Variants in SLC44A3 observed in about 807,000 individuals in gnomAD.
SLC44A3 encodes choline transporter-like protein 3.
In SLC44A3, 74 loss-of-function variants were observed where a neutral mutation model predicts 75.4. The ratio of observed to expected loss-of-function variants is 0.98; its 90% confidence interval spans 0.81 to 1.19. The LOEUF (loss-of-function observed/expected upper bound fraction) is 1.19. Ranked by LOEUF, SLC44A3 falls within the 50% of genes most tolerant of loss-of-function variation. The pLI, the probability that SLC44A3 is intolerant of heterozygous loss-of-function variation, is 0.00. For missense variants in SLC44A3, 700 were observed against 778.6 expected, an observed-to-expected ratio of 0.90 and a Z score of 1.20; for synonymous variants, 310 against 296.9, an observed-to-expected ratio of 1.04 and a Z score of -0.45.
At chr1:94,825,808 G>A (rs866662988) in intron 3 of SLC44A3, 6 of 455,966 alleles carry the variant, frequency 1.3e-5, no homozygotes, top group African/African-American at 2.0e-5. Flanking sequence ...GACTAATTAC[G>A]GAGCATTTTC....
chr1:94,888,555 C>A, intron 12 of SLC44A3: 2 of 564,288 alleles, frequency 3.5e-6, no homozygotes, highest in Non-Finnish European at 4.5e-6. Context: ...GAGCAGCTTT[C>A]CAGCAACAGC....
At chr1:94,885,139 A>G (rs1407634240) in intron 12 of SLC44A3, among the ~76,000 whole-genome samples, 2 of 144,888 alleles carry the variant, frequency 1.4e-5, no homozygotes, top group Non-Finnish European at 3.0e-5. Context: ...ATTACTCAGG[A>G]GGCTGAGGCA....
rs1661540174 is a variant in SLC44A3 at position 94,827,570 on chromosome 1, CCT to C, written c.345_346del (p.Val117IlefsTer5). Reference protein sequence around the residue: ...VKGTQLNRMALCVSNCPEEQL... With the variant: ...VKGTQLNRMAXCVSNCPEEQL... ...AAGGTACGCAGCTCAACCGCATGGC[CCT>C]CTGTGTATCCAACTGCCCTGAAGAG... On this transcript the variant is annotated frameshift_variant, in exon 4 of 15. Coordinates refer to ENST00000271227, the MANE Select transcript of SLC44A3 (RefSeq NM_001114106.3). LOFTEE classifies it high-confidence loss of function. 1.2e-6 allele frequency: 2 copies of C among 1,614,082 alleles called. No individual in the cohort carries two copies. Among genetic ancestry groups the C allele is most frequent in the East Asian group, 4.5e-5 (2 of 44,894 alleles).
chr1:94,861,051 C>T (rs1002272553), intron 10 of SLC44A3, among the ~76,000 whole-genome samples: 3 of 151,902 alleles, frequency 2.0e-5, no homozygotes, highest in Non-Finnish European at 4.4e-5. Context: ...CATGGAAATC[C>T]AAGCTAATAA....
chr1:94,840,275 T>C (rs1383185929), intron 7 of SLC44A3, among the ~76,000 whole-genome samples: 1 of 146,038 alleles, frequency 6.8e-6, no homozygotes, highest in Non-Finnish European at 1.5e-5. Context: ...CTTTTCTTTT[T>C]CTTTTTCCTT....
intron 14 of SLC44A3, among the ~76,000 whole-genome samples, chr1:94,893,096 A>G (rs1670402101): frequency 1.3e-5 from 2 of 152,240 alleles, no homozygotes; most frequent in Non-Finnish European, 2.9e-5. Context: ...TGTTTGCAAC[A>G]GCCTTTGCAA....
intron 12 of SLC44A3, among the ~76,000 whole-genome samples, chr1:94,889,913 C>T (rs953093246): frequency 3.3e-5 from 5 of 151,812 alleles, no homozygotes; most frequent in Non-Finnish European, 5.9e-5. Flanking sequence ...TGCAATGGCA[C>T]GATCTTGGCT....
chr1:94,826,886 A>C (rs1465788966), intron 3 of SLC44A3, among the ~76,000 whole-genome samples: 1 of 152,070 alleles, frequency 6.6e-6, no homozygotes, highest in African/African-American at 2.4e-5. Flanking sequence ...AGCCTGGATA[A>C]GTGGTAGGCA....
chr1:94,892,410 T>A lies in SLC44A3; in HGVS notation c.1750T>A (p.Ser584Thr), dbSNP rs1670317788. The change falls in exon 14 of 15, where the codon TCT (serine) becomes ACT (threonine). Residue 584 changes from serine to threonine, a missense_variant. Ser to Thr is a moderately conservative substitution (Grantham distance 58, BLOSUM62 1). Coordinates refer to ENST00000271227, the MANE Select transcript of SLC44A3 (RefSeq NM_001114106.3). ...FAYLVAHSFL[S>T]VFETVLDALF... ...CTACTTAGTAGCCCATAGTTTTTTA[T>A]CTGTGTTTGAAACTGTGCTGGATGC... The A allele has an allele frequency of 6.2e-7, 1 of 1,614,230 alleles. No individual in the cohort carries two copies. Among genetic ancestry groups the A allele is most frequent in the Non-Finnish European group, 8.5e-7 (1 of 1,180,050 alleles).
At chr1:94,881,178 G>T (rs910443605) in intron 12 of SLC44A3, among the ~76,000 whole-genome samples, 2 of 152,134 alleles carry the variant, frequency 1.3e-5, no homozygotes, top group African/African-American at 2.4e-5. Flanking sequence ...TGGATTTCTG[G>T]CCAGGCTGTC....
rs1670623716 is a variant in SLC44A3 at position 94,895,045 on chromosome 1, T to C, written c.*123T>C. ...TTTTAAAAGACCTAATAAACCCTATTCTTCCTCATTGTCTTTGTCATTATT... is the reference window on the plus strand; with the variant it reads ...TTTTAAAAGACCTAATAAACCCTATCCTTCCTCATTGTCTTTGTCATTATT... On this transcript the variant is annotated 3_prime_UTR_variant, in exon 15 of 15. Transcript: ENST00000271227. 1 of 649,160 alleles carries C rather than the reference T, an allele frequency of 1.5e-6. No individual in the cohort carries two copies. Among genetic ancestry groups the C allele is most frequent in the Non-Finnish European group, 2.7e-6 (1 of 373,106 alleles). 40.2% of individuals were successfully genotyped at this position (649,160 alleles called of 1,614,324 possible).
chr1:94,830,861 A>G (rs1662035180), intron 5 of SLC44A3, among the ~76,000 whole-genome samples: 1 of 152,352 alleles, frequency 6.6e-6, no homozygotes, highest in East Asian at 1.9e-4. Context: ...ACTTATGATG[A>G]TAATGGCAAA....
intron 13 of SLC44A3, among the ~76,000 whole-genome samples, chr1:94,891,943 C>T (rs889706535): frequency 6.6e-6 from 1 of 151,884 alleles, no homozygotes; most frequent in African/African-American, 2.4e-5. Context: ...GGGATGGTTT[C>T]TAAAAAAAGT....
Position 94,891,244 on chromosome 1 carries a change from G to A in SLC44A3, c.1597G>A (p.Asp533Asn). Residue 533 changes from aspartate to asparagine, a missense_variant, in exon 13 of 15, where the codon GAC (aspartate) becomes AAC (asparagine). Transcript: ENST00000271227. ...SHFTSINCFG[D>N]FIIFLGKVLV... ...CTTTACATCTATTAACTGCTTTGGA[G>A]ACTTCATAATTTTTCTAGGAAAGGT... The A allele has an allele frequency of 6.2e-7, 1 of 1,608,408 alleles. No homozygotes were observed. The highest frequency in any genetic ancestry group is 1.7e-5 in the Admixed American group (1 of 58,128).
At chr1:94,879,214 C>A (rs79839987) in intron 12 of SLC44A3, among the ~76,000 whole-genome samples, 2,668 of 149,354 alleles carry the variant, frequency 0.018, 35 homozygotes, top group African/African-American at 0.029. Flanking sequence ...ACAACAACTA[C>A]AAAAAAAAAA....
chr1:94,879,738 C>T (rs1451189741), intron 12 of SLC44A3, among the ~76,000 whole-genome samples: 2 of 149,812 alleles, frequency 1.3e-5, no homozygotes, highest in Non-Finnish European at 3.0e-5. Flanking sequence ...ACTTGGGAGG[C>T]TGAGGCAGGA....
At chr1:94,855,979 G>T (rs1178892457) in intron 9 of SLC44A3, among the ~76,000 whole-genome samples, 1 of 152,148 alleles carries the variant, frequency 6.6e-6, no homozygotes, top group East Asian at 1.9e-4. Context: ...CTGGGATTTG[G>T]ATTTACCAGT....
intron 12 of SLC44A3, among the ~76,000 whole-genome samples, chr1:94,872,921 C>A (rs1667920720): frequency 6.6e-6 from 1 of 152,168 alleles, no homozygotes; most frequent in Non-Finnish European, 1.5e-5. Flanking sequence ...TATCCTAGAA[C>A]CACAAAAATC....
intron 12 of SLC44A3, among the ~76,000 whole-genome samples, chr1:94,885,680 G>A (rs1322652851): frequency 1.3e-5 from 2 of 152,278 alleles, no homozygotes; most frequent in South Asian, 2.1e-4. Flanking sequence ...TCTATGACAC[G>A]CGTGGAACCG....
Sources: gnomAD v4.1 joint callset for allele counts (sites outside exome capture counted in the v4.1 genomes callset) on GRCh38, gnomAD v4.1.1 for gene constraint, MANE v1.5 for transcripts, NCBI Gene and HGNC (gene_info 2026-07-23, HGNC 2026-07-21) for gene names.